CNOT7: variants seen among roughly 807,000 people sequenced by gnomAD.
CNOT7 encodes the protein BTG1-binding factor 1.
In CNOT7, 4 loss-of-function variants were observed where a neutral mutation model predicts 37.1. That is an observed-to-expected ratio of 0.11 (90% CI 0.05 to 0.25). The LOEUF (loss-of-function observed/expected upper bound fraction) is 0.25. Ranked by LOEUF, CNOT7 falls within the 10% of genes least tolerant of loss-of-function variation. The pLI is 1.00. For missense variants in CNOT7, 170 were observed against 336.2 expected (o/e 0.51, Z 3.87); for synonymous variants, 128 against 115.6 (o/e 1.11, Z -0.69).
intron 3 of CNOT7, among the ~76,000 whole-genome samples, chr8:17,240,731 A>G (rs1810046936): frequency 6.6e-6 from 1 of 152,230 alleles, no homozygotes; most frequent in Non-Finnish European, 1.5e-5. Context: ...ATGAAATGGT[A>G]AAGCACTAAT....
At chr8:17,232,564 A>G in intron 5 of CNOT7, 27 bp from the exon 6 acceptor site, 2 of 1,598,470 alleles carry the variant, frequency 1.3e-6, no homozygotes, top group Non-Finnish European at 1.7e-6. Flanking sequence ...ATTGCTTGTC[A>G]AGAAGAAAAA....
At chr8:17,231,578 A>G in intron 6 of CNOT7, 2 of 985,224 alleles carry the variant, frequency 2.0e-6, no homozygotes, top group Non-Finnish European at 2.4e-6. Flanking sequence ...TTAAATTCTC[A>G]GTCTCAATTT....
chr8:17,232,997 A>C (rs1284905836), intron 5 of CNOT7, among the ~76,000 whole-genome samples: 1 of 152,212 alleles, frequency 6.6e-6, no homozygotes, highest in Non-Finnish European at 1.5e-5. Flanking sequence ...ATGAATAATC[A>C]TTAAGAGTAT....
At position 17,239,832 on chromosome 8, in the gene CNOT7, TTATCAGTGACA is replaced by T. The variant is rs1344462676; in HGVS notation, c.312-2470_312-2460del. 4.6e-5 allele frequency among the ~76,000 whole-genome samples: 7 copies of T among 152,326 alleles called. No individual in the cohort carries two copies. In the East Asian group the frequency reaches 7.7e-4, roughly 17 times the overall value. ...TGTTAAAAATTTGTTTTAATCCTCT[TTATCAGTGACA>T]TTATTTCCACAGAATGCTTCTCTTC... On this transcript the variant is annotated intron_variant, in intron 3 of 6. Transcript: ENST00000361272.
intron 3 of CNOT7, among the ~76,000 whole-genome samples, chr8:17,238,509 C>CT (rs75080604): frequency 0.074 from 10,251 of 139,362 alleles, 489 homozygotes; most frequent in Non-Finnish European, 0.1. Context: ...GAAGTAGTTT[C>CT]TTTTTTTTTT....
intron 3 of CNOT7, among the ~76,000 whole-genome samples, chr8:17,238,550 T>C (rs185825969): frequency 1.3e-5 from 2 of 151,358 alleles, no homozygotes; most frequent in Admixed American, 1.3e-4. Flanking sequence ...AGCTTTCCTA[T>C]GCTAAAAATA....
In CNOT7 at chr8:17,225,264, G is replaced by C. The variant is rs532612549; in HGVS notation, c.*5456C>G. ...AAATAAAGATTCTTATCTTTTGGGA[G>C]AAAGAGCCAAAACAGAAGGGTGTGA... On this transcript the variant is annotated 3_prime_UTR_variant, in exon 7 of 7. Coordinates refer to ENST00000361272, the MANE Select transcript of CNOT7 (RefSeq NM_013354.7). 5 of 151,698 alleles carry C rather than the reference G, an allele frequency of 3.3e-5. No homozygotes were observed. Among genetic ancestry groups the C allele is most frequent in the Non-Finnish European group, 7.4e-5 (5 of 67,618 alleles). 9.4% of individuals were successfully genotyped at this position (151,698 alleles called of 1,614,324 possible). A position where few individuals can be genotyped will look rare whatever the true frequency, so the allele number is the denominator to read the frequency against.
chr8:17,243,244 T>G (rs141331135), intron 2 of CNOT7, 59 bp from the exon 3 acceptor site: 2 of 1,345,366 alleles, frequency 1.5e-6, no homozygotes, highest in African/African-American at 2.9e-5. Flanking sequence ...AATCCACACA[T>G]TTTTAATTTT....
Position 17,226,141 on chromosome 8 carries a change from C to T in CNOT7, c.*4579G>A, listed in dbSNP as rs184552904. The T allele has an allele frequency of 5.0e-5, 7 of 138,954 alleles. No individual in the cohort carries two copies. The highest frequency in any genetic ancestry group is 3.1e-4 in the Admixed American group (4 of 12,730). The allele number at this position is 138,954 out of a possible 1,614,324, so 8.6% of individuals were successfully genotyped here. A position where few individuals can be genotyped will look rare whatever the true frequency, so the allele number is the denominator to read the frequency against. On this transcript the variant is annotated 3_prime_UTR_variant, in exon 7 of 7. Transcript: ENST00000361272. The stretch of plus-strand genomic sequence containing the variant: ...TTTAGGTACTCAAGGAAACTTTTCA[C>T]CAAATTTTTATTCTAAAAATTGAAA...
rs1158468383 is a variant in CNOT7, at chr8:17,228,677, G to T, written c.*2043C>A. 3 of 151,744 alleles carry T rather than the reference G, an allele frequency of 2.0e-5. No homozygotes were observed. Among genetic ancestry groups the T allele is most frequent in the African/African-American group, 7.3e-5 (3 of 41,348 alleles). The allele number at this position is 151,744 out of a possible 1,614,324, so 9.4% of individuals were successfully genotyped here. ...AATCATTAAGTCGAAAGTAAGTTAG[G>T]GATTATCTATACTTTTTAGGGACAG... On this transcript the variant is annotated 3_prime_UTR_variant, in exon 7 of 7. Coordinates refer to ENST00000361272, the MANE Select transcript of CNOT7 (RefSeq NM_013354.7).
chr8:17,234,920 A>T, intron 4 of CNOT7, 60 bp from the exon 5 acceptor site: 2 of 1,498,576 alleles, frequency 1.3e-6, no homozygotes, highest in South Asian at 2.6e-5. Flanking sequence ...AGATTAAAAA[A>T]AAAAGTTTTT....
chr8:17,226,192 TTTTC>T lies in CNOT7; in HGVS notation c.*4524_*4527del, dbSNP rs1808147818. ...ACTCAAAATATTGAGTACAATTTTT[TTTTC>T]TTTTTTTAGTAATAGAGTTCTACTA... On this transcript the variant is annotated 3_prime_UTR_variant, in exon 7 of 7. Transcript: ENST00000361272. The T allele has an allele frequency of 6.6e-6, 1 of 151,488 alleles. No individual in the cohort carries two copies. The highest frequency in any genetic ancestry group is 2.1e-4 in the South Asian group (1 of 4,820). The allele number at this position is 151,488 out of a possible 1,614,324, so 9.4% of individuals were successfully genotyped here.
intron 3 of CNOT7, 198 bp downstream of exon 3, chr8:17,242,794 A>G (rs1462298377): frequency 2.4e-6 from 1 of 409,340 alleles, no homozygotes; most frequent in African/African-American, 2.1e-5. Context: ...TTTTAAATAT[A>G]ACATCTTTAA....
intron 3 of CNOT7, chr8:17,241,888 T>G (rs745877143): frequency 6.6e-6 from 1 of 152,198 alleles, no homozygotes; most frequent in South Asian, 2.1e-4. Context: ...GTGAGCTATA[T>G]GTAAATTTAA....
intron 3 of CNOT7, among the ~76,000 whole-genome samples, chr8:17,239,956 G>C (rs764595898): frequency 1.4e-4 from 21 of 152,188 alleles, no homozygotes; most frequent in Non-Finnish European, 2.4e-4. Flanking sequence ...CGTTACAATT[G>C]TAATTCTTAG....
intron 3 of CNOT7, among the ~76,000 whole-genome samples, chr8:17,241,124 G>A (rs1810106626): frequency 6.6e-6 from 1 of 152,132 alleles, no homozygotes. Flanking sequence ...CTGGAGTGCA[G>A]TGGTGCAATC....
chr8:17,237,013 A>C (rs935379639), intron 4 of CNOT7, among the ~76,000 whole-genome samples, 199 bp downstream of exon 4: 4 of 152,208 alleles, frequency 2.6e-5, no homozygotes, highest in African/African-American at 9.7e-5. Context: ...CATGCTTCTC[A>C]CAGGCAAAAA....
At chr8:17,232,876 G>A (rs566230853) in intron 5 of CNOT7, among the ~76,000 whole-genome samples, 1 of 152,188 alleles carries the variant, frequency 6.6e-6, no homozygotes, top group African/African-American at 2.4e-5. Context: ...TATCAATCCA[G>A]TAATAATTAT....
intron 3 of CNOT7, among the ~76,000 whole-genome samples, chr8:17,241,136 A>G (rs1158736167): frequency 1.3e-5 from 2 of 152,164 alleles, no homozygotes; most frequent in Non-Finnish European, 1.5e-5. Context: ...GGTGCAATCT[A>G]GATCACTATA....
Sources: gnomAD v4.1 joint callset for allele counts (sites outside exome capture counted in the v4.1 genomes callset) on GRCh38, gnomAD v4.1.1 for gene constraint, MANE v1.5 for transcripts, NCBI Gene and HGNC (gene_info 2026-07-23, HGNC 2026-07-21) for gene names.